Variants in TRMO observed in about 807,000 individuals in gnomAD.
The protein encoded by TRMO is tRNA methyltransferase O.
Under a neutral mutation model 37.2 loss-of-function variants are expected in TRMO, and 30 were observed. The observed-to-expected ratio is 0.81, with a 90% CI of 0.60 to 1.09. The LOEUF is 1.09. Ranked by LOEUF, TRMO falls within the 50% of genes least tolerant of loss-of-function variation. The probability of loss-of-function intolerance (pLI) is 0.00; values close to 1 mark genes in which losing one functional copy is unlikely to be tolerated. For synonymous variants in TRMO, 239 were observed against 199.4 expected (o/e 1.20, Z -1.67); for missense variants, 552 against 549.5 (o/e 1.00, Z -0.05).
At position 97,919,334 on chromosome 9, in the gene TRMO, A is replaced by G. The variant is rs1257884714; in HGVS notation, c.77-2996T>C. 2.6e-5 allele frequency among the ~76,000 whole-genome samples: 4 copies of G among 151,906 alleles called. 1 individual carries two copies. In the East Asian group the frequency reaches 7.7e-4, roughly 29 times the overall value. On this transcript the variant is annotated intron_variant, in intron 1 of 4. Transcript: ENST00000375119. ...GGCTGATACTCTGGGCACACTGCCC[A>G]TGAGTTAGCTCTGCTCCACAAAGAG...
chr9:97,910,607 A>G lies in TRMO; in HGVS notation c.419T>C (p.Ile140Thr). Residue 140 changes from isoleucine (I) to threonine (T), a missense_variant, in exon 4 of 5, where the codon ATA (isoleucine) becomes ACA (threonine). Physicochemically the swap from Ile to Thr is moderately conservative, Grantham distance 89. Transcript: ENST00000375119. ...AKLEKVEGGAIYLSGIDMIHG... is the reference protein window; with the variant it reads ...AKLEKVEGGATYLSGIDMIHG... ...TATCATGTCAATTCCAGAAAGGTAT[A>G]TAGCTCCACCTATGACATAAAAACG... 6.2e-7 allele frequency: 1 copy of G among 1,613,658 alleles called. No homozygotes were observed. Among genetic ancestry groups the G allele is most frequent in the Non-Finnish European group, 8.5e-7 (1 of 1,179,794 alleles).
At chr9:97,910,839 C>T (rs879943013) in intron 3 of TRMO, 4 of 609,410 alleles carry the variant, frequency 6.6e-6, no homozygotes, top group Admixed American at 5.6e-5. Flanking sequence ...CAAAAGCACA[C>T]CTTTTACAAA....
Position 97,910,632 on chromosome 9 carries a change from G to A in TRMO, c.410-16C>T, listed in dbSNP as rs753786534. On this transcript the variant is annotated splice_polypyrimidine_tract_variant and intron_variant, in intron 3 of 4. Transcript: ENST00000375119. ...ATAGCTCCACCTATGACATAAAAAC[G>A]TGAAAAATGAAGAACAGTGCAAACA... is the stretch of plus-strand genomic sequence containing the variant. 8.1e-6 allele frequency: 13 copies of A among 1,609,374 alleles called. No homozygotes were observed. The Admixed American group carries it at 8.4e-5, about 10-fold the overall frequency.
At chr9:97,913,258 T>C (rs1263181912) in intron 3 of TRMO, 143 bp downstream of exon 3, 2 of 933,700 alleles carry the variant, frequency 2.1e-6, no homozygotes, top group South Asian at 2.8e-5. Flanking sequence ...TTTTAATCAT[T>C]GTATTTTCTT....
chr9:97,922,363 C>T (rs3824496), intron 1 of TRMO, 55 bp downstream of exon 1: 398,017 of 1,254,336 alleles, frequency 0.32, 66,434 homozygotes, highest in Non-Finnish European at 0.34. Flanking sequence ...CAACGAAGTC[C>T]GCTGCCTGGG....
intron 1 of TRMO, among the ~76,000 whole-genome samples, chr9:97,921,518 G>C (rs1826632806): frequency 6.6e-6 from 1 of 151,982 alleles, no homozygotes; most frequent in South Asian, 2.1e-4. Context: ...CGCCTCCCGG[G>C]TTCATGCCAT....
At chr9:97,922,109 C>G (rs1185248415) in intron 1 of TRMO, among the ~76,000 whole-genome samples, 1 of 152,156 alleles carries the variant, frequency 6.6e-6, no homozygotes, top group African/African-American at 2.4e-5. Context: ...ACACCATCTC[C>G]CATACGCTAT....
At chr9:97,907,016 T>A (rs918971427) in intron 4 of TRMO, among the ~76,000 whole-genome samples, 1 of 152,204 alleles carries the variant, frequency 6.6e-6, no homozygotes, top group African/African-American at 2.4e-5. Flanking sequence ...CCTCCTCCCA[T>A]CAACTGTATA....
intron 4 of TRMO, among the ~76,000 whole-genome samples, chr9:97,909,447 C>A (rs949191347): frequency 6.6e-6 from 1 of 152,180 alleles, no homozygotes; most frequent in African/African-American, 2.4e-5. Flanking sequence ...ATGCCTCTAG[C>A]AGTGGGACTT....
intron 3 of TRMO, 23 bp from the exon 4 acceptor site, chr9:97,910,639 AT>A (rs760594016): frequency 2.9e-5 from 46 of 1,608,338 alleles, no homozygotes; most frequent in Non-Finnish European, 2.2e-5. Flanking sequence ...AACGTGAAAA[AT>A]GAAGAACAGT....
intron 3 of TRMO, chr9:97,912,771 A>G (rs979445056): frequency 3.6e-5 from 16 of 440,166 alleles, no homozygotes; most frequent in East Asian, 7.6e-5. Flanking sequence ...TGCTGCCTCT[A>G]TAACAAATGC....
downstream of TRMO, among the ~76,000 whole-genome samples, chr9:97,901,434 T>G (rs1274391437): frequency 2.0e-5 from 3 of 151,370 alleles, no homozygotes; most frequent in Non-Finnish European, 2.9e-5. Flanking sequence ...GTGATTTTGA[T>G]ACAAATAGGA....
In TRMO at chr9:97,922,482, C is replaced by T. The variant is rs148772479; in HGVS notation, c.12G>A (p.Leu4=). ...CTGTAGGCCGAGGCCCCGACTCCTC[C>T]AAGCCGCGCATGGCTACTGGTTGCT... The part of the protein sequence containing the change: MRG[L]EESGPRPTAT... The change falls in exon 1 of 5, where the codon TTG becomes TTA. Residue 4 remains leucine (L), a synonymous_variant. Coordinates refer to ENST00000375119, the MANE Select transcript of TRMO (RefSeq NM_016481.5). The T allele has an allele frequency of 2.0e-3, 3,162 of 1,577,826 alleles. 8 individuals carry two copies. The highest frequency in any genetic ancestry group is 2.5e-3 in the Non-Finnish European group (2,934 of 1,163,536).
At chr9:97,921,885 G>C (rs1258433505) in intron 1 of TRMO, among the ~76,000 whole-genome samples, 2 of 152,104 alleles carry the variant, frequency 1.3e-5, no homozygotes, top group East Asian at 3.9e-4. Flanking sequence ...TTCTCTGGCA[G>C]GTTATTTTAA....
intron 1 of TRMO, among the ~76,000 whole-genome samples, chr9:97,920,100 TATCTCAAAACGACAACA>T (rs1304928045): frequency 6.6e-6 from 1 of 152,242 alleles, no homozygotes; most frequent in Non-Finnish European, 1.5e-5. Flanking sequence ...TCTTCTTGCC[TATCTCAAAACGACAACA>T]ACAAAAACCC....
the TRMO span, among the ~76,000 whole-genome samples, chr9:97,896,889 CACATATAAAAATAAT>C: frequency 5.3e-5 from 8 of 152,266 alleles, no homozygotes; most frequent in East Asian, 1.5e-3. Context: ...CCTCATGTTC[CACATATAAAAATAAT>C]GCATGCTTGT....
At chr9:97,901,817 A>G (rs905755593), downstream of TRMO, among the ~76,000 whole-genome samples, 17 of 151,898 alleles carry the variant, frequency 1.1e-4, no homozygotes, top group African/African-American at 4.1e-4. Context: ...AAACAGACAG[A>G]CAGACAGCTT....
At chr9:97,919,996 T>C (rs894083453) in intron 1 of TRMO, among the ~76,000 whole-genome samples, 1 of 152,188 alleles carries the variant, frequency 6.6e-6, no homozygotes, top group Non-Finnish European at 1.5e-5. Context: ...TATTTATACA[T>C]TCTCTGTGCC....
At chr9:97,919,335 T>C (rs1052035491) in intron 1 of TRMO, among the ~76,000 whole-genome samples, 1 of 141,294 alleles carries the variant, frequency 7.1e-6, no homozygotes, top group South Asian at 2.1e-4. Context: ...ACACTGCCCA[T>C]GAGTTAGCTC....
Sources: gnomAD v4.1 joint callset for allele counts (sites outside exome capture counted in the v4.1 genomes callset) on GRCh38, gnomAD v4.1.1 for gene constraint, MANE v1.5 for transcripts, NCBI Gene and HGNC (gene_info 2026-07-23, HGNC 2026-07-21) for gene names.